Variants in SHBG observed in about 807,000 individuals in gnomAD.
SHBG encodes sex hormone binding globulin, also known as sex hormone-binding globulin.
SHBG carries 37 observed loss-of-function variants against 41.9 expected under a neutral mutation model. The observed-to-expected ratio is 0.88, with a 90% CI of 0.68 to 1.16. The LOEUF is 1.16. SHBG is among the 50% of genes most tolerant of loss of function. The pLI is 0.00. For missense variants in SHBG, 466 were observed against 499.9 expected, an observed-to-expected ratio of 0.93 and a Z score of 0.65; for synonymous variants, 217 against 205.8, an observed-to-expected ratio of 1.05 and a Z score of -0.47.
intron 1 of SHBG, chr17:7,614,482 C>T: frequency 6.5e-7 from 1 of 1,542,014 alleles, no homozygotes. Context: ...AGCCGCGCAC[C>T]TCGACGGGCA....
chr17:7,631,324 G>T lies in SHBG; in HGVS notation c.518G>T (p.Gly173Val). ...CATCCCATCATGAGGATTGCGCTTG[G>T]GGGGCTGCTCTTCCCCGCTTCCAAC... ...KRHPIMRIALGGLLFPASNLR... is the reference protein window; with the variant it reads ...KRHPIMRIALVGLLFPASNLR... Residue 173 changes from glycine to valine, a missense_variant, in exon 4 of 8, where the codon GGG becomes GTG. Transcript: ENST00000380450. 1 of 1,613,816 alleles carries T rather than the reference G, an allele frequency of 6.2e-7. No individual in the cohort carries two copies. Among genetic ancestry groups the T allele is most frequent in the Non-Finnish European group, 8.5e-7 (1 of 1,179,892 alleles).
chr17:7,626,119 G>A (rs1057157642), upstream of SHBG: 20 of 198,020 alleles, frequency 1.0e-4, no homozygotes, highest in South Asian at 1.1e-3. Context: ...GCTTGAACCC[G>A]TGAGGCAGAG....
At chr17:7,614,426 C>A (rs544043356) in intron 1 of SHBG, 4 of 1,493,684 alleles carry the variant, frequency 2.7e-6, no homozygotes, top group Admixed American at 4.1e-5. Context: ...TAAGGACCGG[C>A]GTCCCCAGTC....
upstream of SHBG, chr17:7,627,944 G>T (rs529265790): frequency 4.4e-4 from 224 of 513,958 alleles, no homozygotes; most frequent in Admixed American, 9.4e-4. The surrounding 1 kb of genome is among the most constrained non-coding windows in gnomAD (Gnocchi z 4.8). Flanking sequence ...TCCCCCCCAA[G>T]CCCCACCCCC....
At chr17:7,621,858 A>G (rs2072104126) in intron 1 of SHBG, among the ~76,000 whole-genome samples, 1 of 151,214 alleles carries the variant, frequency 6.6e-6, no homozygotes, top group Non-Finnish European at 1.5e-5. Context: ...TTTTTTTTAG[A>G]TGGAGTTTTG....
rs765151534 is a variant in SHBG at position 7,632,917 on chromosome 17, T to C, written c.1018T>C (p.Trp340Arg). The C allele has an allele frequency of 2.5e-6, 4 of 1,614,138 alleles. No homozygotes were observed. In the Admixed American group the frequency reaches 6.7e-5, roughly 27 times the overall value. ...AGGCCTGGCTCCCCTCCTTAACCTCTGGGCCAAGCCTCAAGGGCGTCTCTT... is the reference window on the plus strand; with the variant it reads ...AGGCCTGGCTCCCCTCCTTAACCTCCGGGCCAAGCCTCAAGGGCGTCTCTT... The part of the protein sequence containing the change: ...PLGLAPLLNL[W>R]AKPQGRLFLG... Residue 340 changes from tryptophan to arginine, a missense_variant, in exon 7 of 8, where the codon TGG (tryptophan) becomes CGG (arginine). Coordinates refer to ENST00000380450, the MANE Select transcript of SHBG (RefSeq NM_001040.5).
upstream of SHBG, chr17:7,626,395 T>G: frequency 6.3e-7 from 1 of 1,598,558 alleles, no homozygotes; most frequent in Non-Finnish European, 8.5e-7. Flanking sequence ...GAAGAGTGCT[T>G]CAGCTGATGG....
intron 1 of SHBG, chr17:7,614,532 T>G: frequency 1.4e-6 from 2 of 1,480,448 alleles, no homozygotes; most frequent in Non-Finnish European, 1.8e-6. Context: ...AGGCCGCCCA[T>G]GGCGCCGCCA....
chr17:7,624,612 C>T (rs1339558516), upstream of SHBG, among the ~76,000 whole-genome samples: 1 of 152,020 alleles, frequency 6.6e-6, no homozygotes, highest in African/African-American at 2.4e-5. Flanking sequence ...AGTGATCCTC[C>T]ACCCTCAACC....
At chr17:7,620,585 T>C (rs896755801) in intron 1 of SHBG, among the ~76,000 whole-genome samples, 24 of 152,006 alleles carry the variant, frequency 1.6e-4, no homozygotes, top group Admixed American at 7.9e-4. Context: ...CCTTCCAAAG[T>C]GCTGGGATTA....
In SHBG at chr17:7,633,034, G is replaced by T; in HGVS notation, c.1060+75G>T. 7.5e-6 allele frequency: 11 copies of T among 1,463,150 alleles called. No individual in the cohort carries two copies. The South Asian group carries it at 1.3e-4, about 17-fold the overall frequency. The allele number at this position is 1,463,150 out of a possible 1,614,324, so 90.6% of individuals were successfully genotyped here. ...CAAGGGAGGCGGCACATTTTGAGGG[G>T]AAGGAAACCTCTGGGAGGGAAGAAG... On this transcript the variant is annotated intron_variant, in intron 7 of 7. Coordinates refer to ENST00000380450, the MANE Select transcript of SHBG (RefSeq NM_001040.5).
chr17:7,619,379 A>G (rs1440283754), intron 1 of SHBG, among the ~76,000 whole-genome samples: 3 of 141,328 alleles, frequency 2.1e-5, no homozygotes, highest in South Asian at 2.3e-4. Flanking sequence ...ATTAAGGGTG[A>G]AACTCCATCT....
intron 7 of SHBG, 108 bp from the exon 8 acceptor site, chr17:7,633,096 G>C (rs2072473383): frequency 6.9e-7 from 1 of 1,447,760 alleles, no homozygotes; most frequent in Non-Finnish European, 9.7e-7. Flanking sequence ...GGCAGTGGAA[G>C]GTAGTGCTTT....
At chr17:7,614,227 G>C in intron 1 of SHBG, 1 of 685,898 alleles carries the variant, frequency 1.5e-6, no homozygotes, top group Non-Finnish European at 2.7e-6. Context: ...TCATTCTCCC[G>C]GAGATGGGGG....
In SHBG at chr17:7,632,889, C is replaced by G. The variant is rs772505553; in HGVS notation, c.990C>G (p.Pro330=). 1.2e-6 allele frequency: 2 copies of G among 1,614,176 alleles called. No individual in the cohort carries two copies. Among genetic ancestry groups the G allele is most frequent in the Admixed American group, 1.7e-5 (1 of 60,018 alleles). Residue 330 remains proline, a synonymous_variant, in exon 7 of 8, where the codon CCC becomes CCG. Coordinates refer to ENST00000380450, the MANE Select transcript of SHBG (RefSeq NM_001040.5). ...AGATGAAGGCCCTTGCCCTGCCTCC[C>G]TTAGGCCTGGCTCCCCTCCTTAACC... ...GSKMKALALP[P]LGLAPLLNLW...
At position 7,615,526 on chromosome 17, in the gene SHBG, C is replaced by T. The variant is rs573381009; in HGVS notation, c.-62+1415C>T. Among the ~76,000 whole-genome samples the T allele has an allele frequency of 9.2e-5, 14 of 152,226 alleles. 1 individual carries two copies. Among genetic ancestry groups the T allele is most frequent in the African/African-American group, 2.6e-4 (11 of 41,556 alleles). ...TGATACAATGAAAGTTTTGGCCGGG[C>T]GCGGTGGCTCACGCCTGTAATCCCA... On this transcript the variant is annotated intron_variant, in intron 1 of 5. Coordinates refer to the SHBG transcript ENST00000570547.
At chr17:7,633,153 A>T (rs1339749139) in intron 7 of SHBG, 51 bp from the exon 8 acceptor site, 6 of 1,607,166 alleles carry the variant, frequency 3.7e-6, no homozygotes, top group Admixed American at 1.7e-5. Context: ...AAGATTCTGG[A>T]TCCGAGCCAC....
upstream of SHBG, chr17:7,626,500 A>C (rs762311821): frequency 2.2e-5 from 36 of 1,614,034 alleles, no homozygotes; most frequent in Non-Finnish European, 3.1e-5. Context: ...AAGAAGTGCC[A>C]GCCCTCAGCT....
At chr17:7,615,591 C>T (rs1311872585) in intron 1 of SHBG, among the ~76,000 whole-genome samples, 2 of 146,458 alleles carry the variant, frequency 1.4e-5, no homozygotes, top group African/African-American at 2.5e-5. Context: ...ACCTGAGGTC[C>T]TCGGATCACC....
Sources: gnomAD v4.1 joint callset for allele counts (sites outside exome capture counted in the v4.1 genomes callset) on GRCh38, gnomAD v4.1.1 for gene constraint, Gnocchi (gnomAD v3.1) non-coding constraint, MANE v1.5 for transcripts, NCBI Gene and HGNC (gene_info 2026-07-23, HGNC 2026-07-21) for gene names.